KCNH1: variants seen among roughly 807,000 people sequenced by gnomAD.
The protein encoded by KCNH1 is potassium voltage-gated channel subfamily H member 1.
In KCNH1, 27 loss-of-function variants were observed where a neutral mutation model predicts 69.2. The ratio of observed to expected loss-of-function variants is 0.39; its 90% CI spans 0.29 to 0.54. KCNH1 has a LOEUF of 0.54. Ranked by LOEUF, KCNH1 falls within the 20% of genes least tolerant of loss-of-function variation. The pLI is 0.68. For missense variants in KCNH1, 798 were observed against 1,261.6 expected (o/e 0.63, Z 5.57); for synonymous variants, 456 against 487.7 (o/e 0.93, Z 0.86).
chr1:210,807,172 G>C (rs867343078), intron 7 of KCNH1, among the ~76,000 whole-genome samples: 20 of 151,924 alleles, frequency 1.3e-4, no homozygotes, highest in Admixed American at 2.6e-4. Context: ...ATCACGTGTA[G>C]ATTCATTTAA....
intron 6 of KCNH1, among the ~76,000 whole-genome samples, chr1:211,007,587 T>C (rs1034174938): frequency 6.6e-6 from 1 of 152,184 alleles, no homozygotes; most frequent in Non-Finnish European, 1.5e-5. Flanking sequence ...TTTTTGCTTT[T>C]TTCTGGAAGC....
At chr1:211,036,178 A>G (rs1410294595) in intron 5 of KCNH1, among the ~76,000 whole-genome samples, 3 of 152,168 alleles carry the variant, frequency 2.0e-5, no homozygotes, top group Non-Finnish European at 2.9e-5. Flanking sequence ...GTGGGTAAAC[A>G]GGAATTAGGG....
At chr1:211,114,720 T>TGGGC (rs1691535742) in intron 1 of KCNH1, among the ~76,000 whole-genome samples, 1 of 152,182 alleles carries the variant, frequency 6.6e-6, no homozygotes, top group East Asian at 1.9e-4. Flanking sequence ...TGCACACAGA[T>TGGGC]GGGCGTTCTA....
At chr1:210,763,190 C>T (rs889733348) in intron 10 of KCNH1, among the ~76,000 whole-genome samples, 3 of 152,064 alleles carry the variant, frequency 2.0e-5, no homozygotes, top group African/African-American at 4.8e-5. Flanking sequence ...ATAATGAAAA[C>T]CCTCAAAAAA....
chr1:210,754,460 T>C (rs1435618627), intron 10 of KCNH1, among the ~76,000 whole-genome samples: 1 of 152,096 alleles, frequency 6.6e-6, no homozygotes, highest in Non-Finnish European at 1.5e-5. Context: ...CCTGCCCAAA[T>C]TTCATGTTGA....
At chr1:211,054,741 T>C (rs564827173) in intron 5 of KCNH1, among the ~76,000 whole-genome samples, 1 of 151,720 alleles carries the variant, frequency 6.6e-6, no homozygotes, top group East Asian at 1.9e-4. Context: ...AATATACAAA[T>C]GTAATCTATA....
intron 6 of KCNH1, among the ~76,000 whole-genome samples, chr1:210,941,031 T>G (rs1687866768): frequency 6.6e-6 from 1 of 152,194 alleles, no homozygotes; most frequent in East Asian, 1.9e-4. Context: ...TAGGCATGTT[T>G]GGCACTGGGC....
intron 7 of KCNH1, among the ~76,000 whole-genome samples, chr1:210,824,526 CT>C (rs1483419644): frequency 6.6e-6 from 1 of 152,054 alleles, no homozygotes. Context: ...ATTGCCAAAT[CT>C]TTTTAATGTC....
intron 10 of KCNH1, among the ~76,000 whole-genome samples, chr1:210,710,092 T>C (rs753061128): frequency 1.3e-5 from 2 of 152,248 alleles, no homozygotes; most frequent in Non-Finnish European, 2.9e-5. Context: ...CTAGGTTATA[T>C]GGTATATCCT....
At chr1:210,707,212 G>T (rs1405976674) in intron 10 of KCNH1, among the ~76,000 whole-genome samples, 2 of 152,052 alleles carry the variant, frequency 1.3e-5, no homozygotes, top group Non-Finnish European at 2.9e-5. Flanking sequence ...GGGAGCAGGT[G>T]CCAGGTAATT....
intron 10 of KCNH1, among the ~76,000 whole-genome samples, chr1:210,702,469 T>C (rs1681806071): frequency 6.6e-6 from 1 of 152,224 alleles, no homozygotes; most frequent in Non-Finnish European, 1.5e-5. Context: ...ACTTTTATTA[T>C]GTTTTAAATT....
chr1:211,097,034 T>C (rs1310803403), intron 3 of KCNH1, among the ~76,000 whole-genome samples: 1 of 152,256 alleles, frequency 6.6e-6, no homozygotes, highest in Non-Finnish European at 1.5e-5. Flanking sequence ...GGAACCCAAG[T>C]AGGCAAGTAT....
In KCNH1 at chr1:210,782,231, C is replaced by T. The variant is rs544942298; in HGVS notation, c.1916-6687G>A. Among the ~76,000 whole-genome samples, 29 of 152,262 alleles carry T rather than the reference C, an allele frequency of 1.9e-4. No individual in the cohort carries two copies. The East Asian group carries it at 4.4e-3, about 23-fold the overall frequency. On this transcript the variant is annotated intron_variant, in intron 9 of 10. Coordinates refer to ENST00000271751, the MANE Select transcript of KCNH1 (RefSeq NM_172362.3). ...ATGTATATATAAATGAACAGCACTG[C>T]GCATCTTACTAAATCTCTCCCAGCC...
At chr1:210,746,310 T>G (rs1431128550) in intron 10 of KCNH1, among the ~76,000 whole-genome samples, 2 of 152,184 alleles carry the variant, frequency 1.3e-5, no homozygotes, top group African/African-American at 2.4e-5. Context: ...TCATAACAAT[T>G]GTATGAGTAA....
intron 6 of KCNH1, among the ~76,000 whole-genome samples, chr1:210,995,576 T>A (rs915735498): frequency 1.3e-5 from 2 of 152,196 alleles, no homozygotes; most frequent in African/African-American, 4.8e-5. Context: ...AGATAGCTAA[T>A]AGGGTCCATT....
chr1:211,099,318 T>C (rs1049310415), intron 3 of KCNH1, among the ~76,000 whole-genome samples: 10 of 152,212 alleles, frequency 6.6e-5, no homozygotes, highest in African/African-American at 2.2e-4. Flanking sequence ...TTTTTTTCTT[T>C]ATATTTTTTG....
chr1:210,891,184 T>C (rs921029482), intron 7 of KCNH1, among the ~76,000 whole-genome samples: 6 of 152,164 alleles, frequency 3.9e-5, no homozygotes, highest in Non-Finnish European at 8.8e-5. Flanking sequence ...ATGTGGCACA[T>C]ATACACCATG....
At chr1:211,001,638 A>G (rs1296780910) in intron 6 of KCNH1, among the ~76,000 whole-genome samples, 1 of 152,212 alleles carries the variant, frequency 6.6e-6, no homozygotes, top group African/African-American at 2.4e-5. Flanking sequence ...TAGAAATACC[A>G]TTAGACCCAG....
At chr1:211,116,671 G>A (rs1274747078) in intron 1 of KCNH1, among the ~76,000 whole-genome samples, 1 of 152,182 alleles carries the variant, frequency 6.6e-6, no homozygotes, top group Non-Finnish European at 1.5e-5. Flanking sequence ...GTCTTGGTCT[G>A]TCATACTTGC....
Sources: allele counts gnomAD v4.1 joint callset (sites outside exome capture counted in the v4.1 genomes callset), GRCh38; gene constraint gnomAD v4.1.1; transcripts MANE v1.5; gene names NCBI Gene and HGNC (gene_info 2026-07-23, HGNC 2026-07-21).